DDX11: variants seen among roughly 807,000 people sequenced by gnomAD.
DDX11 encodes DEAD/H-box helicase 11, also known as ATP-dependent DNA helicase DDX11.
Under a neutral mutation model 125.2 loss-of-function variants are expected in DDX11, and 72 were observed. The ratio of observed to expected loss-of-function variants is 0.58; its 90% CI spans 0.48 to 0.70. The LOEUF is 0.70. Ranked by LOEUF, DDX11 falls within the 30% of genes least tolerant of loss-of-function variation. DDX11 has a pLI of 0.00. For missense variants in DDX11, 883 were observed against 1,165.0 expected (o/e 0.76, Z 3.52); for synonymous variants, 347 against 452.6 (o/e 0.77, Z 2.96).
At chr12:31,079,257 T>A (rs1024521798) in intron 2 of DDX11, among the ~76,000 whole-genome samples, 2 of 151,278 alleles carry the variant, frequency 1.3e-5, no homozygotes, top group Admixed American at 1.3e-4. Flanking sequence ...GTTTTTAATA[T>A]ACCTATGCCA....
At chr12:31,092,627 G>GT (rs1466020681) in intron 10 of DDX11, among the ~76,000 whole-genome samples, 2 of 152,122 alleles carry the variant, frequency 1.3e-5, no homozygotes, top group African/African-American at 4.8e-5. Context: ...CTGACCCACA[G>GT]TGGACACTGG....
At position 31,089,046 on chromosome 12, in the gene DDX11, T is replaced by A. The variant is rs1219372442; in HGVS notation, c.687T>A (p.Ile229=). The change falls in exon 7 of 27, where the codon ATT becomes ATA. Residue 229 remains isoleucine, a splice_region_variant and synonymous_variant. Coordinates refer to ENST00000542838, the MANE Select transcript of DDX11 (RefSeq NM_030653.4). Reference sequence around the variant, plus strand: ...GCGCCTTTCTTTCTCTCTGCTAGATTTATTACTGTAGTCGGACACACTCCC... The same window carrying A: ...GCGCCTTTCTTTCTCTCTGCTAGATATATTACTGTAGTCGGACACACTCCC... The part of the protein sequence containing the change: ...DDLEEEHITK[I]YYCSRTHSQL... 6.2e-7 allele frequency: 1 copy of A among 1,613,790 alleles called. No homozygotes were observed. The highest frequency in any genetic ancestry group is 8.5e-7 in the Non-Finnish European group (1 of 1,179,786).
chr12:31,088,955 C>G, intron 6 of DDX11, 89 bp from the exon 7 acceptor site: 2 of 1,040,442 alleles, frequency 1.9e-6, no homozygotes, highest in South Asian at 1.3e-5. Flanking sequence ...TTTCCCTCAG[C>G]CTCTCAGGCC....
chr12:31,087,567 A>C, intron 5 of DDX11: 1 of 354,416 alleles, frequency 2.8e-6, no homozygotes, highest in Non-Finnish European at 5.5e-6. Context: ...CAGGCACAGA[A>C]CATCCGAAGG....
In DDX11 at chr12:31,086,219, T is replaced by A. The variant is rs576435415; in HGVS notation, c.638+1093T>A. On this transcript the variant is annotated intron_variant, in intron 5 of 26. Coordinates refer to ENST00000542838, the MANE Select transcript of DDX11 (RefSeq NM_030653.4). ...CCTTTAAGGCCTGGCTCAGGTGTCG[T>A]CTTGGTGGCTTCGGGTGTCAGCTGC... 58 of 438,718 alleles carry A rather than the reference T, an allele frequency of 1.3e-4. 1 individual carries two copies. The Admixed American group carries it at 1.4e-3, about 10-fold the overall frequency. 27.2% of individuals were successfully genotyped at this position (438,718 alleles called of 1,614,324 possible). A position where few individuals can be genotyped will look rare whatever the true frequency, so the allele number is the denominator to read the frequency against.
Position 31,091,826 on chromosome 12 carries a change from C to G in DDX11, c.1197C>G (p.Ile399Met), listed in dbSNP as rs751043573. The G allele has an allele frequency of 6.2e-7, 1 of 1,613,918 alleles. No individual in the cohort carries two copies. Among genetic ancestry groups the G allele is most frequent in the Middle Eastern group, 1.7e-4 (1 of 6,056 alleles). ...TCATCGACGAGGCGCACAACCTGAT[C>G]GACACCATCACGGGCATGCACAGCG... ...VVIIDEAHNL[I>M]DTITGMHSVE... is the part of the protein sequence containing the mutation. Residue 399 changes from isoleucine (I) to methionine (M), a missense_variant, in exon 10 of 27, where the codon ATC becomes ATG. By Grantham distance (10) the Ile-to-Met change is conservative. Transcript: ENST00000542838.
intron 18 of DDX11, among the ~76,000 whole-genome samples, chr12:31,099,863 C>G (rs576064173): frequency 6.6e-6 from 1 of 152,050 alleles, no homozygotes; most frequent in Non-Finnish European, 1.5e-5. Flanking sequence ...ATAGGGAATC[C>G]GTTTTACTAG....
chr12:31,104,363 C>T lies in DDX11; in HGVS notation c.*527C>T, dbSNP rs1345933324. The T allele has an allele frequency of 3.0e-6, 1 of 329,012 alleles. No individual in the cohort carries two copies. The highest frequency in any genetic ancestry group is 4.4e-5 in the Admixed American group (1 of 22,634). 20.4% of individuals were successfully genotyped at this position (329,012 alleles called of 1,614,324 possible). ...TCCCCTCCTCCTTCCTGAGTCACTC[C>T]TTCAGTAGAAGGCCCTGCTCCCTAT... is the stretch of plus-strand genomic sequence containing the variant. On this transcript the variant is annotated 3_prime_UTR_variant, in exon 27 of 27. Transcript: ENST00000542838.
At chr12:31,085,233 G>C in intron 5 of DDX11, 107 bp downstream of exon 5, 1 of 1,392,046 alleles carries the variant, frequency 7.2e-7, no homozygotes, top group Non-Finnish European at 9.9e-7. Context: ...CAAGAGGCAT[G>C]GTGGCCTCTG....
chr12:31,089,474 G>T lies in DDX11; in HGVS notation c.864G>T (p.Met288Ile), dbSNP rs776768135. 1.9e-6 allele frequency: 3 copies of T among 1,613,818 alleles called. No individual in the cohort carries two copies. Among genetic ancestry groups the T allele is most frequent in the Middle Eastern group, 1.7e-4 (1 of 6,056 alleles). ...VQLINDRCVD[M>I]QRSRHEKKKG... ...TTATCAACGACCGCTGTGTGGACAT[G>T]CAGAGAAGCAGGCACGGTAGCCACT... Residue 288 changes from methionine (M) to isoleucine (I), a missense_variant, in exon 8 of 27, where the codon ATG becomes ATT. Around this residue, in one of 5 missense-constraint regions of DDX11, gnomAD observed 283 missense variants for 359.6 expected, o/e 0.79. Coordinates refer to ENST00000542838, the MANE Select transcript of DDX11 (RefSeq NM_030653.4).
chr12:31,097,999 T>A lies in DDX11; in HGVS notation c.1875+2T>A. ...ATTGCGGGGGGTACCATGCAGCCGG[T>A]AAGGACACCTTTCCCAGCCCCTCGT... On this transcript the variant is annotated splice_donor_variant, in intron 18 of 26. Transcript: ENST00000542838. LOFTEE classifies it high-confidence loss of function. 4 of 1,612,442 alleles carry A rather than the reference T, an allele frequency of 2.5e-6. No homozygotes were observed. Among genetic ancestry groups the A allele is most frequent in the Non-Finnish European group, 3.4e-6 (4 of 1,178,716 alleles).
At chr12:31,078,854 A>AT (rs1941264289) in intron 2 of DDX11, among the ~76,000 whole-genome samples, 2 of 151,910 alleles carry the variant, frequency 1.3e-5, no homozygotes, top group Admixed American at 1.3e-4. Flanking sequence ...CGCCCGGCTA[A>AT]TTTTTTGTAG....
rs748527257 is a variant in DDX11 at position 31,084,646 on chromosome 12, C to G, written c.457C>G (p.Leu153Val). Residue 153 changes from leucine to valine, a missense_variant, in exon 4 of 27, where the codon CTC becomes GTC. Transcript: ENST00000542838. ...RLQQLQHRVQ[L>V]KYAAKRLRQE... Reference sequence around the variant, plus strand: ...GCAGCAGCTGCAGCACAGGGTGCAGCTCAAGTATGCAGCCAAGCGCCTGGT... The same window carrying G: ...GCAGCAGCTGCAGCACAGGGTGCAGGTCAAGTATGCAGCCAAGCGCCTGGT... 4 of 1,590,572 alleles carry G rather than the reference C, an allele frequency of 2.5e-6. No homozygotes were observed. The highest frequency in any genetic ancestry group is 3.4e-6 in the Non-Finnish European group (4 of 1,166,048).
At chr12:31,083,225 C>A (rs1483002289) in intron 2 of DDX11, among the ~76,000 whole-genome samples, 25 of 151,526 alleles carry the variant, frequency 1.6e-4, no homozygotes, top group Non-Finnish European at 1.5e-5. Context: ...TGTGTGAGCC[C>A]AGGAGTTCCA....
intron 14 of DDX11, 113 bp downstream of exon 14, chr12:31,094,935 A>C (rs1463517667): frequency 1.5e-5 from 17 of 1,169,592 alleles, no homozygotes; most frequent in Non-Finnish European, 2.2e-5. Flanking sequence ...CAGATGTGTA[A>C]TTACTTAACC....
intron 2 of DDX11, among the ~76,000 whole-genome samples, chr12:31,079,986 ATGGG>A (rs1941555524): frequency 2.3e-5 from 3 of 131,668 alleles, no homozygotes; most frequent in Non-Finnish European, 4.9e-5. Flanking sequence ...ATGAGTGTTA[ATGGG>A]GACAGACGGC....
Position 31,078,334 on chromosome 12 carries a change from G to T in DDX11, c.-4-56G>T, listed in dbSNP as rs755704784. 3 of 1,608,806 alleles carry T rather than the reference G, an allele frequency of 1.9e-6. No homozygotes were observed. The South Asian group carries it at 3.3e-5, about 18-fold the overall frequency. The stretch of plus-strand genomic sequence containing the variant: ...TCTTAAATAATGCTCCAGATTTCAA[G>T]CCACTTCTTCCTGGACCATGAGAGA... On this transcript the variant is annotated intron_variant, in intron 1 of 26. Coordinates refer to ENST00000542838, the MANE Select transcript of DDX11 (RefSeq NM_030653.4).
Position 31,102,317 on chromosome 12 carries a change from G to A in DDX11, c.2271+6G>A. On this transcript the variant is annotated splice_donor_region_variant and intron_variant, in intron 22 of 26. Transcript: ENST00000542838. Reference sequence around the variant, plus strand: ...CATATTCCAGGTGCATCCAGGTGCGGGCGTCATGCTGGGCTTGGGTCTGAG... The same window carrying A: ...CATATTCCAGGTGCATCCAGGTGCGAGCGTCATGCTGGGCTTGGGTCTGAG... 6.2e-7 allele frequency: 1 copy of A among 1,614,018 alleles called. No homozygotes were observed. Among genetic ancestry groups the A allele is most frequent in the Non-Finnish European group, 8.5e-7 (1 of 1,179,828 alleles).
intron 8 of DDX11, 70 bp from the exon 9 acceptor site, chr12:31,089,816 A>G (rs1943875524): frequency 6.4e-7 from 1 of 1,561,352 alleles, no homozygotes; most frequent in Non-Finnish European, 8.7e-7. Context: ...ACATTACACA[A>G]CCCCCTCTTG....
Sources: gnomAD v4.1 joint callset for allele counts (sites outside exome capture counted in the v4.1 genomes callset) on GRCh38, gnomAD v4.1.1 for gene constraint, gnomAD v4.1.1 regional missense constraint, MANE v1.5 for transcripts, NCBI Gene and HGNC (gene_info 2026-07-23, HGNC 2026-07-21) for gene names.